DDX1: variants seen among roughly 807,000 people sequenced by gnomAD.
DDX1 encodes the protein ATP-dependent RNA helicase DDX1.
A neutral mutation model predicts 108.7 loss-of-function variants in DDX1; 28 were observed. The ratio of observed to expected loss-of-function variants is 0.26; its 90% CI spans 0.19 to 0.35. The LOEUF (loss-of-function observed/expected upper bound fraction) is 0.35, where lower values mean the gene tolerates loss of function less well. Among genes scored for constraint, DDX1 ranks in the 10% least tolerant of loss-of-function variants. The probability of loss-of-function intolerance (pLI) is 1.00; values close to 1 mark genes in which losing one functional copy is unlikely to be tolerated. For missense variants in DDX1, 710 were observed against 884.5 expected, an observed-to-expected ratio of 0.80 and a Z score of 2.50; for synonymous variants, 295 against 288.9, an observed-to-expected ratio of 1.02 and a Z score of -0.21.
Position 15,591,906 on chromosome 2 carries a change from A to T in DDX1, c.-28A>T. On this transcript the variant is annotated 5_prime_UTR_variant, in exon 1 of 26. Transcript: ENST00000233084. ...GTCAGTCGGGAGGGAGGGAGCGAGC[A>T]GGCGAAGCCGCGGAGGACGGGGTGA... 3 of 1,466,644 alleles carry T rather than the reference A, an allele frequency of 2.0e-6. No individual in the cohort carries two copies. Among genetic ancestry groups the T allele is most frequent in the Non-Finnish European group, 2.7e-6 (3 of 1,108,360 alleles). 90.9% of individuals were successfully genotyped at this position (1,466,644 alleles called of 1,614,324 possible).
chr2:15,611,680 G>T (rs1355166111), intron 13 of DDX1, among the ~76,000 whole-genome samples: 3 of 111,746 alleles, frequency 2.7e-5, no homozygotes, highest in Admixed American at 8.2e-5. Context: ...GCGGCTGGCC[G>T]GGCGGGGGGC....
intron 2 of DDX1, 47 bp downstream of exon 2, chr2:15,595,243 T>G (rs777687870): frequency 1.4e-6 from 2 of 1,428,216 alleles, no homozygotes; most frequent in Non-Finnish European, 1.9e-6. Flanking sequence ...TGTTTTATAA[T>G]TTAAACAGTT....
At chr2:15,610,984 A>G (rs1259294917) in intron 13 of DDX1, among the ~76,000 whole-genome samples, 1 of 150,176 alleles carries the variant, frequency 6.7e-6, no homozygotes, top group Non-Finnish European at 1.5e-5. Flanking sequence ...TCAGCAGATA[A>G]ACAAGTGAAC....
chr2:15,592,073 C>G (rs1288231108), intron 1 of DDX1, 124 bp downstream of exon 1: 3 of 926,068 alleles, frequency 3.2e-6, no homozygotes, highest in Non-Finnish European at 3.0e-6. Context: ...GGGCGCTGTC[C>G]GCTGCAGTCC....
chr2:15,608,167 T>G (rs7571221), intron 13 of DDX1, among the ~76,000 whole-genome samples: 2,350 of 152,318 alleles, frequency 0.015, 64 homozygotes, highest in African/African-American at 0.052. Context: ...ACTTGATTTT[T>G]GTTAATTTTG....
chr2:15,620,346 A>T lies in DDX1; in HGVS notation c.1345A>T (p.Asn449Tyr), dbSNP rs767032016. Residue 449 changes from asparagine to tyrosine, a missense_variant, in exon 17 of 26, where the codon AAT becomes TAT. Around this residue, in one of 3 missense-constraint regions of DDX1, gnomAD observed 661 missense variants for 810.2 expected, o/e 0.82. Transcript: ENST00000233084. ...TGTACACCATGTTGTTGTCCCAGTA[A>T]ATCCCAAAACTGACAGACTCTGGGA... is the stretch of plus-strand genomic sequence containing the variant. ...DTVHHVVVPV[N>Y]PKTDRLWERL... The T allele has an allele frequency of 6.2e-7, 1 of 1,614,010 alleles. No homozygotes were observed. Among genetic ancestry groups the T allele is most frequent in the Non-Finnish European group, 8.5e-7 (1 of 1,179,978 alleles).
At chr2:15,601,024 T>A (rs1268522415) in intron 6 of DDX1, among the ~76,000 whole-genome samples, 44 of 151,922 alleles carry the variant, frequency 2.9e-4, no homozygotes, top group Non-Finnish European at 1.5e-5. Flanking sequence ...TACCCTTTTA[T>A]CCTTTTTCTT....
intron 19 of DDX1, among the ~76,000 whole-genome samples, chr2:15,624,245 G>A (rs769623344): frequency 6.6e-6 from 1 of 152,140 alleles, no homozygotes; most frequent in African/African-American, 2.4e-5. Context: ...ATATTAATAA[G>A]AGTTGCAGTA....
At chr2:15,604,291 T>A (rs1188560185) in intron 9 of DDX1, 146 bp from the exon 10 acceptor site, 1 of 608,590 alleles carries the variant, frequency 1.6e-6, no homozygotes, top group Non-Finnish European at 2.9e-6. Flanking sequence ...TGTCAAATGC[T>A]TGTACTATTG....
At chr2:15,613,183 ATTT>A in intron 13 of DDX1, 38 bp from the exon 14 acceptor site, 5 of 1,100,388 alleles carry the variant, frequency 4.5e-6, no homozygotes, top group Non-Finnish European at 6.4e-6. Context: ...GCAGACTTTA[ATTT>A]TTTTTTTTTT....
intron 20 of DDX1, among the ~76,000 whole-genome samples, chr2:15,628,130 TTG>T (rs1666130223): frequency 6.6e-6 from 1 of 152,208 alleles, no homozygotes. Flanking sequence ...GTATTCTGTT[TTG>T]TCTTTCTCTT....
chr2:15,624,923 G>A (rs781256829), intron 19 of DDX1, among the ~76,000 whole-genome samples: 8 of 152,146 alleles, frequency 5.3e-5, no homozygotes, highest in Admixed American at 1.3e-4. Flanking sequence ...AGCTAAAAAT[G>A]CTGTCTTATG....
intron 13 of DDX1, among the ~76,000 whole-genome samples, chr2:15,607,555 G>A (rs1445868176): frequency 6.6e-6 from 1 of 151,872 alleles, no homozygotes; most frequent in African/African-American, 2.4e-5. Context: ...AAAAGTCATG[G>A]TTAGTCAAAC....
chr2:15,599,234 T>C (rs775602778), intron 5 of DDX1: 2 of 152,136 alleles, frequency 1.3e-5, no homozygotes, highest in Non-Finnish European at 2.9e-5. Context: ...TAAAACCATA[T>C]TGAATCTAGA....
intron 19 of DDX1, among the ~76,000 whole-genome samples, chr2:15,624,702 A>G (rs1666069807): frequency 6.6e-6 from 1 of 152,230 alleles, no homozygotes; most frequent in Non-Finnish European, 1.5e-5. Flanking sequence ...CAGCCAAATT[A>G]TATCATAAAC....
chr2:15,591,964 ACT>A lies in DDX1; in HGVS notation c.16+18_16+19del. 46 of 1,406,778 alleles carry A rather than the reference ACT, an allele frequency of 3.3e-5. No individual in the cohort carries two copies. The highest frequency in any genetic ancestry group is 3.8e-5 in the Non-Finnish European group (41 of 1,077,922). The allele number at this position is 1,406,778 out of a possible 1,614,324, so 87.1% of individuals were successfully genotyped here. A position where few individuals can be genotyped will look rare whatever the true frequency, so the allele number is the denominator to read the frequency against. ...GGCCTTCTCCGGTGCGTTTGTGGAA[ACT>A]CTGGGGGTGGTGGGGCGGCTTGTTG... On this transcript the variant is annotated intron_variant, in intron 1 of 25. Coordinates refer to ENST00000233084, the MANE Select transcript of DDX1 (RefSeq NM_004939.3).
At chr2:15,593,298 G>A (rs559681483) in intron 1 of DDX1, among the ~76,000 whole-genome samples, 52 of 152,208 alleles carry the variant, frequency 3.4e-4, no homozygotes, top group African/African-American at 1.1e-3. Flanking sequence ...CTCCTAAAAC[G>A]ATTTTAGAGC....
rs1665913660 is a variant in DDX1 at position 15,617,345 on chromosome 2, A to G, written c.1116+3A>G. The G allele has an allele frequency of 6.5e-7, 1 of 1,540,412 alleles. No individual in the cohort carries two copies. Among genetic ancestry groups the G allele is most frequent in the Non-Finnish European group, 8.9e-7 (1 of 1,129,124 alleles). ...GATTCCTGGTCCTGGATGAAGCTGT[A>G]TGTTGAAATATAATCATACTTTTTA... On this transcript the variant is annotated splice_donor_region_variant and intron_variant, in intron 15 of 25. Transcript: ENST00000233084.
chr2:15,603,197 C>T lies in DDX1; in HGVS notation c.397C>T (p.His133Tyr), dbSNP rs1354498662. 6 of 1,608,860 alleles carry T rather than the reference C, an allele frequency of 3.7e-6. No homozygotes were observed. Among genetic ancestry groups the T allele is most frequent in the East Asian group, 4.5e-5 (2 of 44,830 alleles). Reference protein sequence around the residue: ...RATKGLMKGKHYYEVSCHDQG... With the variant: ...RATKGLMKGKYYYEVSCHDQG... ...AATGTATTTTACCCTTGTAGGGAAA[C>T]ACTACTATGAAGTATCCTGTCATGA... The change falls in exon 8 of 26, where the codon CAC (histidine) becomes TAC (tyrosine). Residue 133 changes from histidine (H) to tyrosine (Y), a missense_variant. Physicochemically the swap from His to Tyr is moderately conservative, Grantham distance 83. This residue lies in a region of DDX1 where 661 missense variants were observed against 810.2 expected (regional missense o/e 0.82). Transcript: ENST00000233084.
Sources: gnomAD v4.1 joint callset for allele counts (sites outside exome capture counted in the v4.1 genomes callset) on GRCh38, gnomAD v4.1.1 for gene constraint, gnomAD v4.1.1 regional missense constraint, MANE v1.5 for transcripts, NCBI Gene and HGNC (gene_info 2026-07-23, HGNC 2026-07-21) for gene names.